PTPRJ: variants seen among roughly 807,000 people sequenced by gnomAD.
The protein encoded by PTPRJ is receptor-type tyrosine-protein phosphatase eta.
PTPRJ carries 129 observed loss-of-function variants against 141.3 expected under a neutral mutation model. The observed-to-expected ratio is 0.91, with a 90% confidence interval of 0.79 to 1.06. PTPRJ has a LOEUF of 1.06. Ranked by LOEUF, PTPRJ falls within the 50% of genes least tolerant of loss-of-function variation. The pLI is 0.00. For synonymous variants in PTPRJ, 610 were observed against 640.5 expected (o/e 0.95, Z 0.72); for missense variants, 1,601 against 1,679.7 (o/e 0.95, Z 0.82).
chr11:48,020,759 C>T (rs930327949), intron 1 of PTPRJ, among the ~76,000 whole-genome samples: 36 of 152,154 alleles, frequency 2.4e-4, no homozygotes, highest in African/African-American at 8.0e-4. Flanking sequence ...TGCTGGATGT[C>T]CCTACTCTTC....
chr11:48,049,405 C>T (rs1032098957), intron 1 of PTPRJ, among the ~76,000 whole-genome samples: 5 of 151,874 alleles, frequency 3.3e-5, no homozygotes, highest in African/African-American at 7.3e-5. Flanking sequence ...TGGCTGGGCA[C>T]GGTGGCTCAC....
intron 1 of PTPRJ, among the ~76,000 whole-genome samples, chr11:48,057,207 A>G (rs561975385): frequency 6.6e-6 from 1 of 152,300 alleles, no homozygotes; most frequent in Non-Finnish European, 1.5e-5. Context: ...GTGCTTAATA[A>G]TAGGTGCTTA....
At chr11:48,063,944 G>T (rs956508050) in intron 1 of PTPRJ, among the ~76,000 whole-genome samples, 87 of 150,778 alleles carry the variant, frequency 5.8e-4, no homozygotes, top group Admixed American at 1.1e-3. Context: ...GTGTGTGTGT[G>T]TTTTTAAAAA....
intron 1 of PTPRJ, among the ~76,000 whole-genome samples, chr11:48,082,229 A>G (rs1855576876): frequency 6.6e-6 from 1 of 152,088 alleles, no homozygotes; most frequent in South Asian, 2.1e-4. Context: ...CGTTTCATCC[A>G]GTTTCTCTTC....
chr11:48,072,557 G>C (rs1855290133), intron 1 of PTPRJ, among the ~76,000 whole-genome samples: 1 of 152,152 alleles, frequency 6.6e-6, no homozygotes, highest in Non-Finnish European at 1.5e-5. Context: ...CTTTGTACTG[G>C]GGTGTATTTT....
At chr11:48,155,401 G>A (rs1219977796) in intron 19 of PTPRJ, among the ~76,000 whole-genome samples, 4 of 152,168 alleles carry the variant, frequency 2.6e-5, no homozygotes, top group Admixed American at 6.5e-5. Context: ...GTGAAACAGG[G>A]CAGTGGCTTG....
At chr11:48,131,336 G>T (rs1360745048) in intron 8 of PTPRJ, among the ~76,000 whole-genome samples, 5 of 152,118 alleles carry the variant, frequency 3.3e-5, no homozygotes, top group Admixed American at 2.0e-4. Flanking sequence ...GCCCACCTCA[G>T]CCTCCCAAAG....
At chr11:48,045,713 C>T (rs1854376032) in intron 1 of PTPRJ, among the ~76,000 whole-genome samples, 1 of 152,092 alleles carries the variant, frequency 6.6e-6, no homozygotes, top group East Asian at 1.9e-4. Flanking sequence ...GCAAGTTTCC[C>T]AGACCCTTGT....
chr11:48,149,010 G>A (rs1857415065), intron 15 of PTPRJ, among the ~76,000 whole-genome samples: 1 of 152,212 alleles, frequency 6.6e-6, no homozygotes, highest in South Asian at 2.1e-4. Flanking sequence ...GCAGAGTTGA[G>A]TCAACAGTGC....
At chr11:48,131,639 C>A in intron 8 of PTPRJ, 1 of 708,348 alleles carries the variant, frequency 1.4e-6, no homozygotes, top group Non-Finnish European at 2.6e-6. Context: ...CAGCCATGTT[C>A]ATTTGCTTAT....
intron 19 of PTPRJ, among the ~76,000 whole-genome samples, chr11:48,155,278 G>C (rs1366705928): frequency 6.6e-6 from 1 of 152,076 alleles, no homozygotes; most frequent in Non-Finnish European, 1.5e-5. Flanking sequence ...TTAACCTAGG[G>C]ACCTACCCCG....
At chr11:48,023,290 TTCC>T (rs966905767) in intron 1 of PTPRJ, among the ~76,000 whole-genome samples, 1 of 152,206 alleles carries the variant, frequency 6.6e-6, no homozygotes, top group African/African-American at 2.4e-5. Flanking sequence ...TTGCTACCTC[TTCC>T]TCCTCTTGTC....
chr11:48,149,986 G>T lies in PTPRJ; in HGVS notation c.3042-4G>T, dbSNP rs753280171. 2.0e-6 allele frequency: 3 copies of T among 1,464,054 alleles called. No individual in the cohort carries two copies. In the South Asian group the frequency reaches 3.5e-5, roughly 17 times the overall value. The allele number at this position is 1,464,054 out of a possible 1,614,324, so 90.7% of individuals were successfully genotyped here. A position where few individuals can be genotyped will look rare whatever the true frequency, so the allele number is the denominator to read the frequency against. ...TATTTTTTCTTTCCCTTTCTATCAT[G>T]AAGACCTAAAAAGTGAGTAATCTCT... On this transcript the variant is annotated splice_region_variant and splice_polypyrimidine_tract_variant and intron_variant, in intron 16 of 24. Coordinates refer to ENST00000418331, the MANE Select transcript of PTPRJ (RefSeq NM_002843.4).
At chr11:48,035,132 A>C (rs1854085964) in intron 1 of PTPRJ, among the ~76,000 whole-genome samples, 1 of 151,926 alleles carries the variant, frequency 6.6e-6, no homozygotes, top group Non-Finnish European at 1.5e-5. Context: ...CTCCTTTTAG[A>C]CTCACTTTGT....
At chr11:48,067,915 G>A (rs1325406147) in intron 1 of PTPRJ, among the ~76,000 whole-genome samples, 1 of 152,188 alleles carries the variant, frequency 6.6e-6, no homozygotes, top group Non-Finnish European at 1.5e-5. Context: ...TTTCTAATGA[G>A]AATACAGAAG....
chr11:48,166,298 G>A (rs1857915948), intron 24 of PTPRJ, among the ~76,000 whole-genome samples: 1 of 151,302 alleles, frequency 6.6e-6, no homozygotes, highest in South Asian at 2.1e-4. Context: ...CGCACACACA[G>A]TACTTTGAAA....
At position 48,128,009 on chromosome 11, in the gene PTPRJ, CG is replaced by C; in HGVS notation, c.1324del (p.Glu442ArgfsTer21). Reference protein sequence around the residue: ...ITVCPVLGDIEGTPGFLQVHT... With the variant: ...ITVCPVLGDIXGTPGFLQVHT... ...CAGTGTGTCCTGTCCTAGGTGACAT[CG>C]AGGGCACGCCGGGCTTCCTCCAAGT... On this transcript the variant is annotated frameshift_variant, in exon 7 of 25. Transcript: ENST00000418331. LOFTEE classifies it high-confidence loss of function. 6.2e-7 allele frequency: 1 copy of C among 1,613,672 alleles called. No individual in the cohort carries two copies. Among genetic ancestry groups the C allele is most frequent in the Non-Finnish European group, 8.5e-7 (1 of 1,179,626 alleles).
chr11:48,015,364 C>T (rs1271506776), intron 1 of PTPRJ, among the ~76,000 whole-genome samples: 3 of 151,648 alleles, frequency 2.0e-5, no homozygotes, highest in East Asian at 1.9e-4. Flanking sequence ...GATTTGTGGC[C>T]CATCTTGACA....
At chr11:47,987,566 A>T (rs1307260540) in intron 1 of PTPRJ, among the ~76,000 whole-genome samples, 1 of 152,214 alleles carries the variant, frequency 6.6e-6, no homozygotes, top group East Asian at 1.9e-4. Context: ...GTGACTGTGA[A>T]TGACATCCCT....
Sources: gnomAD v4.1 joint callset for allele counts (sites outside exome capture counted in the v4.1 genomes callset) on GRCh38, gnomAD v4.1.1 for gene constraint, MANE v1.5 for transcripts, NCBI Gene and HGNC (gene_info 2026-07-23, HGNC 2026-07-21) for gene names.